CDH4: variants seen among roughly 807,000 people sequenced by gnomAD.
The protein encoded by CDH4 is cadherin 4.
In CDH4, 33 loss-of-function variants were observed where a neutral mutation model predicts 86.0. That is an observed-to-expected ratio of 0.38 (90% CI 0.29 to 0.51). The LOEUF (loss-of-function observed/expected upper bound fraction) is 0.51, where lower values mean the gene tolerates loss of function less well. CDH4 is among the 20% of genes least tolerant of loss of function. The pLI, the probability that CDH4 is intolerant of heterozygous loss-of-function variation, is 0.86. For missense variants in CDH4, 1,114 were observed against 1,307.4 expected (o/e 0.85, Z 2.28); for synonymous variants, 555 against 549.4 (o/e 1.01, Z -0.14).
intron 2 of CDH4, among the ~76,000 whole-genome samples, chr20:61,258,438 G>A (rs2084112880): frequency 6.6e-6 from 1 of 151,288 alleles, no homozygotes; most frequent in Admixed American, 6.6e-5. Flanking sequence ...AGTTAGTTTA[G>A]GACCATCTTG....
At chr20:61,268,220 C>T (rs1240718526) in intron 2 of CDH4, among the ~76,000 whole-genome samples, 1 of 152,238 alleles carries the variant, frequency 6.6e-6, no homozygotes, top group African/African-American at 2.4e-5. Context: ...GCCAGAGCAT[C>T]TCGGGTCCAC....
intron 8 of CDH4, among the ~76,000 whole-genome samples, chr20:61,896,831 C>T (rs377621328): frequency 6.6e-6 from 1 of 152,194 alleles, no homozygotes; most frequent in South Asian, 2.1e-4. Flanking sequence ...GGCCCAAGAG[C>T]GCAGCAGGGC....
At chr20:61,694,730 C>T (rs1238385326) in intron 2 of CDH4, among the ~76,000 whole-genome samples, 12 of 152,124 alleles carry the variant, frequency 7.9e-5, no homozygotes, top group Admixed American at 4.6e-4. Context: ...CAGTCTCCTG[C>T]GTGCTTTAGA....
intron 8 of CDH4, among the ~76,000 whole-genome samples, chr20:61,900,569 G>A (rs768621530): frequency 3.9e-5 from 6 of 152,248 alleles, no homozygotes; most frequent in Admixed American, 6.5e-5. Flanking sequence ...GCCCAGAGAC[G>A]TGGGGGAATG....
chr20:61,490,743 C>T lies in CDH4; in HGVS notation c.169+235806C>T, dbSNP rs185681828. Among the ~76,000 whole-genome samples, 322 of 152,148 alleles carry T rather than the reference C, an allele frequency of 2.1e-3. 2 individuals carry two copies. The highest frequency in any genetic ancestry group is 3.6e-3 in the Non-Finnish European group (246 of 67,994). On this transcript the variant is annotated intron_variant, in intron 2 of 15. Transcript: ENST00000614565. ...GTTTGCCTCTGGCAGTGGTGGGAGT[C>T]GGAGTGACGGGGGGCACTCCTGGAC...
intron 3 of CDH4, among the ~76,000 whole-genome samples, chr20:61,757,319 C>T (rs1387268835): frequency 1.3e-5 from 2 of 152,232 alleles, no homozygotes; most frequent in Non-Finnish European, 2.9e-5. Flanking sequence ...CAATGCACCC[C>T]AAAGGAACGG....
rs528873071 is a variant in CDH4, at chr20:61,401,858, A to G, written c.169+146921A>G. Among the ~76,000 whole-genome samples the G allele has an allele frequency of 1.1e-4, 16 of 152,278 alleles. No homozygotes were observed. In the South Asian group the frequency reaches 3.3e-3, roughly 32 times the overall value. On this transcript the variant is annotated intron_variant, in intron 2 of 15. Transcript: ENST00000614565. ...CATCTGCTGGAACGGAGGCCCATGA[A>G]AGAAGGAGAAGGGAGCCCAGGGGAC...
chr20:61,653,567 G>C (rs1487808972), intron 2 of CDH4, among the ~76,000 whole-genome samples: 1 of 133,640 alleles, frequency 7.5e-6, no homozygotes, highest in East Asian at 2.2e-4. Flanking sequence ...GGCGGGGGCT[G>C]ACCCCCACCT....
intron 2 of CDH4, among the ~76,000 whole-genome samples, chr20:61,667,017 T>C (rs2087333156): frequency 6.6e-6 from 1 of 152,250 alleles, no homozygotes; most frequent in South Asian, 2.1e-4. Context: ...CACGCAGTGC[T>C]GGCACCACAG....
At chr20:61,400,775 G>A (rs531768098) in intron 2 of CDH4, among the ~76,000 whole-genome samples, 81 of 152,284 alleles carry the variant, frequency 5.3e-4, no homozygotes, top group African/African-American at 1.8e-3. Context: ...CTTCGGGGCC[G>A]GCCTGGCCCC....
At chr20:61,841,840 A>G (rs539353671) in intron 4 of CDH4, among the ~76,000 whole-genome samples, 28 of 152,072 alleles carry the variant, frequency 1.8e-4, no homozygotes, top group Admixed American at 5.2e-4. Context: ...GCAGCCCCCT[A>G]TTGGCACTGA....
rs1338846276 is a variant in CDH4 at position 61,807,117 on chromosome 20, C to T, written c.576+33935C>T. 6.6e-6 allele frequency among the ~76,000 whole-genome samples: 1 copy of T among 152,218 alleles called. No individual in the cohort carries two copies. The highest frequency in any genetic ancestry group is 1.5e-5 in the Non-Finnish European group (1 of 68,042). ...CTATGAGCTCCCAGGGCCCCGCAGCCCCGCCAGCCCCCAGCTGCAAGGCCA... is the reference window on the plus strand; with the variant it reads ...CTATGAGCTCCCAGGGCCCCGCAGCTCCGCCAGCCCCCAGCTGCAAGGCCA... On this transcript the variant is annotated intron_variant, in intron 4 of 15. Coordinates refer to ENST00000614565, the MANE Select transcript of CDH4 (RefSeq NM_001794.5). This position sits in a 1 kb window ranked among gnomAD's most constrained non-coding sequence, Gnocchi z 4.5.
At chr20:61,838,959 C>T (rs1933344332) in intron 4 of CDH4, among the ~76,000 whole-genome samples, 1 of 152,198 alleles carries the variant, frequency 6.6e-6, no homozygotes, top group African/African-American at 2.4e-5. Flanking sequence ...GGCCATGGCA[C>T]CTGTTGGCAC....
At position 61,829,037 on chromosome 20, in the gene CDH4, G is replaced by T. The variant is rs1207505737; in HGVS notation, c.577-15631G>T. Among the ~76,000 whole-genome samples the T allele has an allele frequency of 3.3e-5, 5 of 152,220 alleles. No homozygotes were observed. The highest frequency in any genetic ancestry group is 7.3e-5 in the Non-Finnish European group (5 of 68,044). ...AATGCCACCACTGACATCATGGGAG[G>T]CGGAGCACTGGAGGCTCTGGCAGTC... On this transcript the variant is annotated intron_variant, in intron 4 of 15. Coordinates refer to ENST00000614565, the MANE Select transcript of CDH4 (RefSeq NM_001794.5). This position sits in a 1 kb window ranked among gnomAD's most constrained non-coding sequence, Gnocchi z 4.2.
chr20:61,489,052 A>C (rs967995178), intron 2 of CDH4, among the ~76,000 whole-genome samples: 9 of 152,162 alleles, frequency 5.9e-5, no homozygotes, highest in Non-Finnish European at 8.8e-5. Context: ...TCTGAAACAC[A>C]AACAGGACTT....
At chr20:61,260,499 T>C (rs2084122497) in intron 2 of CDH4, among the ~76,000 whole-genome samples, 1 of 152,178 alleles carries the variant, frequency 6.6e-6, no homozygotes, top group Admixed American at 6.5e-5. Flanking sequence ...CTGGTCACAA[T>C]ATCTACTGGT....
chr20:61,354,580 C>T lies in CDH4; in HGVS notation c.169+99643C>T, dbSNP rs189315917. 1.2e-4 allele frequency among the ~76,000 whole-genome samples: 19 copies of T among 152,338 alleles called. No individual in the cohort carries two copies. The East Asian group carries it at 2.5e-3, about 20-fold the overall frequency. On this transcript the variant is annotated intron_variant, in intron 2 of 15. Coordinates refer to ENST00000614565, the MANE Select transcript of CDH4 (RefSeq NM_001794.5). ...GACTTCCAGGCTTTCCCTTGCCCCA[C>T]ATCTGAGGGGCTGTCCTGACCCCTC...
chr20:61,639,969 G>A (rs1027445012), intron 2 of CDH4, among the ~76,000 whole-genome samples: 1 of 152,116 alleles, frequency 6.6e-6, no homozygotes. Flanking sequence ...CTTCTGTTCA[G>A]TTTTGAAGTA....
At chr20:61,504,395 C>T (rs2085725708) in intron 2 of CDH4, among the ~76,000 whole-genome samples, 1 of 152,158 alleles carries the variant, frequency 6.6e-6, no homozygotes, top group South Asian at 2.1e-4. Context: ...TAAAATGATG[C>T]TTGGGATGGC....
Sources: gnomAD v4.1 joint callset for allele counts (sites outside exome capture counted in the v4.1 genomes callset) on GRCh38, gnomAD v4.1.1 for gene constraint, Gnocchi (gnomAD v3.1) non-coding constraint, MANE v1.5 for transcripts, NCBI Gene and HGNC (gene_info 2026-07-23, HGNC 2026-07-21) for gene names.